RNLS: variants seen among roughly 807,000 people sequenced by gnomAD.
The protein encoded by RNLS is renalase.
A neutral mutation model predicts 39.8 loss-of-function variants in RNLS; 39 were observed. The ratio of observed to expected loss-of-function variants is 0.98; its 90% confidence interval spans 0.76 to 1.28. The LOEUF is 1.28. Among genes scored for constraint, RNLS ranks in the 50% most tolerant of loss-of-function variants. The pLI, the probability that RNLS is intolerant of heterozygous loss-of-function variation, is 0.00. For missense variants in RNLS, 410 were observed against 413.3 expected (o/e 0.99, Z 0.07); for synonymous variants, 147 against 150.7 (o/e 0.98, Z 0.18).
intron 4 of RNLS, among the ~76,000 whole-genome samples, chr10:88,423,123 C>T (rs547176406): frequency 6.6e-6 from 1 of 152,272 alleles, no homozygotes; most frequent in East Asian, 1.9e-4. Flanking sequence ...TCACTGAATA[C>T]TAGTTCTGTT....
chr10:88,436,877 A>G (rs921792803), intron 4 of RNLS, among the ~76,000 whole-genome samples: 1 of 152,234 alleles, frequency 6.6e-6, no homozygotes, highest in African/African-American at 2.4e-5. Context: ...CAGTTTGCAG[A>G]TACAATCTAC....
At chr10:88,455,228 C>A (rs565129538) in intron 4 of RNLS, among the ~76,000 whole-genome samples, 4 of 150,982 alleles carry the variant, frequency 2.6e-5, no homozygotes, top group Non-Finnish European at 5.9e-5. Flanking sequence ...GTATCTCTTG[C>A]AGGTTGATTG....
chr10:88,434,293 T>C lies in RNLS; in HGVS notation c.527-71568A>G, dbSNP rs1054377347. Reference sequence around the variant, plus strand: ...AATCTCCCAACAGTGTAAGGGTGTGTGTGGGTGTATTAACAAGATAATTTT... The same window carrying C: ...AATCTCCCAACAGTGTAAGGGTGTGCGTGGGTGTATTAACAAGATAATTTT... On this transcript the variant is annotated intron_variant, in intron 4 of 6. Transcript: ENST00000331772. Among the ~76,000 whole-genome samples the C allele has an allele frequency of 3.9e-5, 6 of 152,090 alleles. No homozygotes were observed. The East Asian group carries it at 5.8e-4, about 15-fold the overall frequency.
chr10:88,435,825 G>T (rs1855442128), intron 4 of RNLS, among the ~76,000 whole-genome samples: 1 of 151,968 alleles, frequency 6.6e-6, no homozygotes, highest in African/African-American at 2.4e-5. Flanking sequence ...TATAATAAAA[G>T]CAATTTTATT....
the RNLS span, among the ~76,000 whole-genome samples, chr10:88,234,638 G>C: frequency 6.6e-6 from 1 of 152,148 alleles, no homozygotes; most frequent in Non-Finnish European, 1.5e-5. Context: ...TGAGCTCCTA[G>C]GTTCAACACC....
chr10:88,459,519 C>T (rs1369871711), intron 4 of RNLS, among the ~76,000 whole-genome samples: 3 of 152,184 alleles, frequency 2.0e-5, no homozygotes, highest in South Asian at 2.1e-4. Flanking sequence ...AGTGTACCTC[C>T]GCTACTAAAA....
At chr10:88,488,781 G>A (rs1049494001) in intron 4 of RNLS, among the ~76,000 whole-genome samples, 11 of 152,202 alleles carry the variant, frequency 7.2e-5, no homozygotes, top group Admixed American at 2.0e-4. Flanking sequence ...ATGTAAAAGC[G>A]GAAAGTGAAG....
chr10:88,565,785 C>T (rs555351020), intron 4 of RNLS, among the ~76,000 whole-genome samples: 305 of 126,634 alleles, frequency 2.4e-3, no homozygotes, highest in Non-Finnish European at 4.2e-3. Context: ...GAGTCTCGCT[C>T]TGTCACCAGG....
chr10:88,492,229 C>T (rs981804289), intron 4 of RNLS, among the ~76,000 whole-genome samples: 5 of 151,976 alleles, frequency 3.3e-5, no homozygotes, highest in African/African-American at 1.2e-4. Flanking sequence ...CTAGGATATA[C>T]TCTGGGAAAA....
intron 4 of RNLS, among the ~76,000 whole-genome samples, chr10:88,398,013 G>A (rs4934401): frequency 0.12 from 18,053 of 151,982 alleles, 1,157 homozygotes; most frequent in Admixed American, 0.2. Context: ...AATGGTTCTG[G>A]GGCAACTGGA....
At chr10:88,474,517 A>G (rs924443217) in intron 4 of RNLS, among the ~76,000 whole-genome samples, 3 of 152,062 alleles carry the variant, frequency 2.0e-5, no homozygotes. Flanking sequence ...GAAGGCGGTG[A>G]CTCTCCTAGT....
intron 3 of RNLS, among the ~76,000 whole-genome samples, chr10:88,580,946 C>T (rs1290797354): frequency 2.0e-5 from 3 of 152,084 alleles, no homozygotes; most frequent in Non-Finnish European, 2.9e-5. Flanking sequence ...TATCGTTTGA[C>T]ATAGCTATTC....
At chr10:88,341,439 GA>G (rs1329641555) in intron 5 of RNLS, among the ~76,000 whole-genome samples, 1 of 151,682 alleles carries the variant, frequency 6.6e-6, no homozygotes, top group Non-Finnish European at 1.5e-5. Flanking sequence ...AATAGACACT[GA>G]ATGTATAAAC....
chr10:88,439,496 AG>A (rs1434878543), intron 4 of RNLS, among the ~76,000 whole-genome samples: 5 of 152,178 alleles, frequency 3.3e-5, no homozygotes, highest in Non-Finnish European at 5.9e-5. Context: ...GGTGGTTTTG[AG>A]GACCTATTCA....
At chr10:88,259,494 T>A in the RNLS span, 1 of 152,236 alleles carries the variant, frequency 6.6e-6, no homozygotes, top group African/African-American at 2.4e-5. Context: ...TGGAAACGGT[T>A]TAAATGTCTA....
At chr10:88,262,799 G>A in the RNLS span, among the ~76,000 whole-genome samples, 1 of 152,174 alleles carries the variant, frequency 6.6e-6, no homozygotes, top group Non-Finnish European at 1.5e-5. Context: ...ATTCAGAGGT[G>A]CCAGAAGGGG....
intron 5 of RNLS, among the ~76,000 whole-genome samples, chr10:88,337,897 T>C (rs1301948698): frequency 6.6e-6 from 1 of 152,194 alleles, no homozygotes; most frequent in African/African-American, 2.4e-5. Context: ...TTTCTTTTTC[T>C]TTTCCCTCTC....
downstream of RNLS, among the ~76,000 whole-genome samples, chr10:88,283,896 A>T (rs1001432444): frequency 4.6e-5 from 7 of 152,156 alleles, no homozygotes; most frequent in Non-Finnish European, 1.0e-4. Flanking sequence ...TAATCCGTAC[A>T]ACAAATCTCT....
At chr10:88,412,771 C>T (rs1447457814) in intron 4 of RNLS, among the ~76,000 whole-genome samples, 3 of 152,106 alleles carry the variant, frequency 2.0e-5, no homozygotes, top group East Asian at 1.9e-4. Context: ...TCTGTAGCTT[C>T]CCAATTGCTT....
Sources: gnomAD v4.1 joint callset for allele counts (sites outside exome capture counted in the v4.1 genomes callset) on GRCh38, gnomAD v4.1.1 for gene constraint, MANE v1.5 for transcripts, NCBI Gene and HGNC (gene_info 2026-07-23, HGNC 2026-07-21) for gene names.